The following MOCOS variants were observed in gnomAD, a reference collection of about 807,000 sequenced individuals.
MOCOS encodes the protein human molybdenum cofactor sulfurase.
A neutral mutation model predicts 83.6 loss-of-function variants in MOCOS; 86 were observed. The observed-to-expected ratio is 1.03, with a 90% CI of 0.86 to 1.23. The LOEUF (loss-of-function observed/expected upper bound fraction) is 1.23, where lower values mean the gene tolerates loss of function less well. Ranked by LOEUF, MOCOS falls within the 50% of genes most tolerant of loss-of-function variation. The pLI, the probability that MOCOS is intolerant of heterozygous loss-of-function variation, is 0.00. For missense variants in MOCOS, 1,120 were observed against 1,126.9 expected, an observed-to-expected ratio of 0.99 and a Z score of 0.09; for synonymous variants, 445 against 434.7, an observed-to-expected ratio of 1.02 and a Z score of -0.29.
chr18:36,259,810 C>G (rs914896757), intron 12 of MOCOS, among the ~76,000 whole-genome samples: 8 of 152,210 alleles, frequency 5.3e-5, no homozygotes, highest in Non-Finnish European at 7.3e-5. Context: ...TTGTGGGACT[C>G]TCACTGGAGA....
At position 36,248,907 on chromosome 18, in the gene MOCOS, AC is replaced by A; in HGVS notation, c.1961-13del. On this transcript the variant is annotated splice_polypyrimidine_tract_variant and intron_variant, in intron 9 of 14. Coordinates refer to ENST00000261326, the MANE Select transcript of MOCOS (RefSeq NM_017947.4). ...TTACATAATGATAAATTTGTTTTTA[AC>A]CTTTGTTCATTAGGGATGGAGCCTA... 1 of 1,609,708 alleles carries A rather than the reference AC, an allele frequency of 6.2e-7. No homozygotes were observed. The highest frequency in any genetic ancestry group is 8.5e-7 in the Non-Finnish European group (1 of 1,176,184).
At chr18:36,268,396 C>A in intron 14 of MOCOS, 137 bp from the exon 15 acceptor site, 1 of 1,037,754 alleles carries the variant, frequency 9.6e-7, no homozygotes, top group South Asian at 1.4e-5. Context: ...TACTGTGTAA[C>A]AGATAGGAGA....
intron 12 of MOCOS, among the ~76,000 whole-genome samples, chr18:36,259,326 T>C (rs1263264611): frequency 1.3e-5 from 2 of 151,558 alleles, no homozygotes; most frequent in East Asian, 3.9e-4. Flanking sequence ...ATGCTTGTAG[T>C]CCCACCTACT....
rs368893410 is a variant in MOCOS, at chr18:36,262,250, T to TCTACACACACACACACACACACAC, written c.2409+2075_2409+2076insCTACACACACACACACACACACAC. 3.2e-4 allele frequency among the ~76,000 whole-genome samples: 41 copies of TCTACACACACACACACACACACAC among 127,906 alleles called. No homozygotes were observed. In the East Asian group the frequency reaches 4.1e-3, roughly 13 times the overall value. 83.9% of individuals were successfully genotyped at this position (127,906 alleles called of 152,430 possible). A position where few individuals can be genotyped will look rare whatever the true frequency, so the allele number is the denominator to read the frequency against. On this transcript the variant is annotated intron_variant, in intron 13 of 14. Transcript: ENST00000261326. ...AGCATAGCAAGACTTCGTCTCTCTC[T>TCTACACACACACACACACACACAC]ACACACACACACACACACACACACA...
intron 11 of MOCOS, among the ~76,000 whole-genome samples, chr18:36,255,518 C>T (rs1476031636): frequency 6.6e-6 from 1 of 152,040 alleles, no homozygotes; most frequent in Non-Finnish European, 1.5e-5. Flanking sequence ...ATTGTTGGTC[C>T]CTGAGGGAGT....
intron 1 of MOCOS, among the ~76,000 whole-genome samples, chr18:36,194,300 TAAAAC>T (rs1281158914): frequency 6.6e-6 from 1 of 152,236 alleles, no homozygotes; most frequent in East Asian, 1.9e-4. Context: ...AAAGCTGTGA[TAAAAC>T]AACCCATTCT....
intron 14 of MOCOS, 36 bp from the exon 15 acceptor site, chr18:36,268,497 T>C: frequency 6.2e-7 from 1 of 1,613,852 alleles, no homozygotes; most frequent in Non-Finnish European, 8.5e-7. Context: ...TAAAATAATC[T>C]AGCCTTTTTT....
At chr18:36,191,262 G>A (rs879872860) in intron 1 of MOCOS, among the ~76,000 whole-genome samples, 5 of 152,070 alleles carry the variant, frequency 3.3e-5, no homozygotes, top group Admixed American at 3.3e-4. Flanking sequence ...GTTCTTTATA[G>A]CAATGTGAGA....
intron 10 of MOCOS, among the ~76,000 whole-genome samples, chr18:36,249,881 A>G (rs2091615652): frequency 6.6e-6 from 1 of 152,212 alleles, no homozygotes; most frequent in Admixed American, 6.5e-5. Flanking sequence ...TTATATACCC[A>G]TATTATGGGT....
intron 9 of MOCOS, among the ~76,000 whole-genome samples, chr18:36,245,337 TC>T (rs2091598654): frequency 6.6e-6 from 1 of 152,180 alleles, no homozygotes; most frequent in Admixed American, 6.5e-5. Flanking sequence ...ACAAATTTTG[TC>T]AGCATTTCTT....
At chr18:36,220,989 G>GT (rs1227210922) in intron 9 of MOCOS, among the ~76,000 whole-genome samples, 1 of 151,532 alleles carries the variant, frequency 6.6e-6, no homozygotes, top group Non-Finnish European at 1.5e-5. Context: ...ATTTACTTAA[G>GT]TTTCTTTTAT....
chr18:36,258,242 G>A (rs1036827707), intron 12 of MOCOS, among the ~76,000 whole-genome samples: 5 of 152,124 alleles, frequency 3.3e-5, no homozygotes, highest in South Asian at 4.1e-4. Context: ...GGGTGGACCC[G>A]CTGGGCAGCT....
chr18:36,260,235 A>G, intron 13 of MOCOS, 60 bp downstream of exon 13: 3 of 1,608,066 alleles, frequency 1.9e-6, no homozygotes, highest in South Asian at 1.1e-5. Flanking sequence ...ATTGACCTCA[A>G]TCCCAGACCT....
rs570276694 is a variant in MOCOS at position 36,256,104 on chromosome 18, C to T, written c.2165-864C>T. On this transcript the variant is annotated intron_variant, in intron 11 of 14. Coordinates refer to ENST00000261326, the MANE Select transcript of MOCOS (RefSeq NM_017947.4). The stretch of plus-strand genomic sequence containing the variant: ...ATGGGGTTTCTCCATGTTGGTCAGG[C>T]TGGTCTTGAACTCCCGACCTCAGGT... 2.5e-3 allele frequency among the ~76,000 whole-genome samples: 382 copies of T among 152,206 alleles called. 1 individual carries two copies. The highest frequency in any genetic ancestry group is 4.1e-3 in the Non-Finnish European group (282 of 68,004).
chr18:36,262,801 T>C (rs916282026), intron 13 of MOCOS, among the ~76,000 whole-genome samples: 1 of 152,246 alleles, frequency 6.6e-6, no homozygotes, highest in Non-Finnish European at 1.5e-5. Flanking sequence ...TTGGCAATAC[T>C]GTGCCTTTCA....
rs80162924 is a variant in MOCOS at position 36,200,874 on chromosome 18, C to A, written c.941+550C>A. ...CAGTGTTAGCGGCAACCTCTATGAG[C>A]CCCACTGTGAGTGAGTTACAGAGGG... On this transcript the variant is annotated intron_variant, in intron 4 of 14. Coordinates refer to ENST00000261326, the MANE Select transcript of MOCOS (RefSeq NM_017947.4). Among the ~76,000 whole-genome samples, 749 of 152,324 alleles carry A rather than the reference C, an allele frequency of 4.9e-3. 8 individuals are homozygous for A. Among genetic ancestry groups the A allele is most frequent in the African/African-American group, 0.017 (715 of 41,574 alleles).
At chr18:36,231,942 C>G (rs990661023) in intron 9 of MOCOS, among the ~76,000 whole-genome samples, 1 of 152,138 alleles carries the variant, frequency 6.6e-6, no homozygotes, top group African/African-American at 2.4e-5. Context: ...CAACCAAATT[C>G]TAGTGTCATT....
At chr18:36,253,981 C>T (rs1425301096) in intron 11 of MOCOS, among the ~76,000 whole-genome samples, 1 of 152,106 alleles carries the variant, frequency 6.6e-6, no homozygotes, top group Non-Finnish European at 1.5e-5. Context: ...GCAGTAAAGG[C>T]ACAGGTGGGA....
At chr18:36,255,273 G>T (rs2091637505) in intron 11 of MOCOS, among the ~76,000 whole-genome samples, 1 of 152,110 alleles carries the variant, frequency 6.6e-6, no homozygotes, top group East Asian at 1.9e-4. Flanking sequence ...CGTTAGTGCA[G>T]TGTCACTCAA....
Sources: allele counts gnomAD v4.1 joint callset (sites outside exome capture counted in the v4.1 genomes callset), GRCh38; gene constraint gnomAD v4.1.1; transcripts MANE v1.5; gene names NCBI Gene and HGNC (gene_info 2026-07-23, HGNC 2026-07-21).